The following PI4K2A variants were observed in gnomAD, a reference collection of about 807,000 sequenced individuals.
The protein encoded by PI4K2A is phosphatidylinositol 4-kinase type 2-alpha.
In PI4K2A, 20 loss-of-function variants were observed where a neutral mutation model predicts 55.0. The observed-to-expected ratio is 0.36, with a 90% CI of 0.26 to 0.53. The LOEUF (loss-of-function observed/expected upper bound fraction) is 0.53, where lower values mean the gene tolerates loss of function less well. Among genes scored for constraint, PI4K2A ranks in the 20% least tolerant of loss-of-function variants. The pLI is 0.91. For missense variants in PI4K2A, 463 were observed against 637.1 expected (o/e 0.73, Z 2.94); for synonymous variants, 235 against 258.5 (o/e 0.91, Z 0.87).
chr10:97,648,564 T>C (rs2041516279), intron 1 of PI4K2A, among the ~76,000 whole-genome samples: 1 of 152,214 alleles, frequency 6.6e-6, no homozygotes, highest in Admixed American at 6.5e-5. Flanking sequence ...CCCTGGTATT[T>C]TTCAGCCCCC....
chr10:97,660,246 C>T (rs1408525842), intron 4 of PI4K2A, among the ~76,000 whole-genome samples: 1 of 150,086 alleles, frequency 6.7e-6, no homozygotes, highest in East Asian at 2.0e-4. Flanking sequence ...CGTGATCTGC[C>T]CGCCTTGGCC....
chr10:97,662,075 G>C (rs574317672), intron 4 of PI4K2A, among the ~76,000 whole-genome samples: 1 of 151,746 alleles, frequency 6.6e-6, no homozygotes, highest in African/African-American at 2.4e-5. Context: ...GGCTGGTCTT[G>C]AACTCCTGGC....
chr10:97,649,660 G>A (rs946067995), intron 1 of PI4K2A, among the ~76,000 whole-genome samples: 49 of 104,162 alleles, frequency 4.7e-4, no homozygotes, highest in African/African-American at 1.6e-3. Context: ...GCTTGGTCTT[G>A]TCACCCAGGC....
At chr10:97,673,267 A>C (rs1039290145) in intron 8 of PI4K2A, among the ~76,000 whole-genome samples, 2 of 152,190 alleles carry the variant, frequency 1.3e-5, no homozygotes, top group African/African-American at 2.4e-5. Flanking sequence ...CTGGGATTAC[A>C]GGCGTGAGCC....
rs950624698 is a variant in PI4K2A, at chr10:97,673,498, C to G, written c.1279-83C>G. On this transcript the variant is annotated intron_variant, in intron 8 of 8. Transcript: ENST00000370631. ...GTATTTTAAAAAATTGATTTGTAGGCGTCCTCTCTACTGATCTCCTTTCAG... is the reference window on the plus strand; with the variant it reads ...GTATTTTAAAAAATTGATTTGTAGGGGTCCTCTCTACTGATCTCCTTTCAG... 5 of 1,052,412 alleles carry G rather than the reference C, an allele frequency of 4.8e-6. No homozygotes were observed. The Admixed American group carries it at 7.2e-5, about 15-fold the overall frequency. The allele number at this position is 1,052,412 out of a possible 1,614,324, so 65.2% of individuals were successfully genotyped here.
intron 1 of PI4K2A, among the ~76,000 whole-genome samples, chr10:97,646,442 C>T (rs1038420811): frequency 2.6e-5 from 4 of 152,014 alleles, no homozygotes; most frequent in Non-Finnish European, 5.9e-5. Flanking sequence ...GTCTCAAACT[C>T]CTGATCTCAG....
intron 1 of PI4K2A, among the ~76,000 whole-genome samples, chr10:97,642,193 G>T (rs983452706): frequency 6.6e-6 from 1 of 152,074 alleles, no homozygotes; most frequent in Non-Finnish European, 1.5e-5. Context: ...TGTTTTAATA[G>T]GAGTCCTGAG....
At chr10:97,643,886 G>A (rs1437057924) in intron 1 of PI4K2A, among the ~76,000 whole-genome samples, 1 of 152,116 alleles carries the variant, frequency 6.6e-6, no homozygotes, top group Non-Finnish European at 1.5e-5. Context: ...ACCCTTGGAG[G>A]TAGGTACTGT....
chr10:97,672,681 T>TC, intron 8 of PI4K2A, among the ~76,000 whole-genome samples: 1 of 151,640 alleles, frequency 6.6e-6, no homozygotes, highest in Admixed American at 6.6e-5. Flanking sequence ...TGCATATCCA[T>TC]TAGTGTTTCT....
chr10:97,670,116 T>C (rs773470143), intron 8 of PI4K2A, among the ~76,000 whole-genome samples: 4 of 152,040 alleles, frequency 2.6e-5, no homozygotes, highest in Non-Finnish European at 5.9e-5. Flanking sequence ...CCCAGGCTGG[T>C]CTCAAACTCC....
chr10:97,672,897 A>AT (rs929529278), intron 8 of PI4K2A, among the ~76,000 whole-genome samples: 2 of 149,404 alleles, frequency 1.3e-5, no homozygotes, highest in African/African-American at 2.5e-5. Flanking sequence ...CACCTGGCTA[A>AT]TTTTTTTGTA....
chr10:97,660,998 T>G (rs1479380085), intron 4 of PI4K2A, among the ~76,000 whole-genome samples: 1 of 152,014 alleles, frequency 6.6e-6, no homozygotes, highest in Non-Finnish European at 1.5e-5. Flanking sequence ...TATTTTTATT[T>G]TATATTTTTT....
intron 1 of PI4K2A, among the ~76,000 whole-genome samples, chr10:97,648,170 T>C (rs1295905928): frequency 6.7e-6 from 1 of 150,304 alleles, no homozygotes; most frequent in African/African-American, 2.5e-5. Flanking sequence ...CTCGGCTCAC[T>C]GCGACCTCCA....
chr10:97,660,124 C>T (rs1379888906), intron 4 of PI4K2A, among the ~76,000 whole-genome samples: 4 of 150,688 alleles, frequency 2.7e-5, no homozygotes, highest in African/African-American at 9.8e-5. Context: ...GCCTCAGCCT[C>T]CCGAGTAGCT....
At chr10:97,642,841 TC>T (rs1431271214) in intron 1 of PI4K2A, among the ~76,000 whole-genome samples, 1,509 of 18,696 alleles carry the variant, frequency 0.081, 210 homozygotes, top group African/African-American at 0.18. Context: ...CTTCCTTCCT[TC>T]CTTCCTTCCT....
At chr10:97,659,848 TC>T (rs2041572049) in intron 4 of PI4K2A, among the ~76,000 whole-genome samples, 1 of 152,068 alleles carries the variant, frequency 6.6e-6, no homozygotes, top group African/African-American at 2.4e-5. Context: ...AATAATTACA[TC>T]AGACAGATTT....
chr10:97,666,520 G>A lies in PI4K2A; in HGVS notation c.1167G>A (p.Ser389=), dbSNP rs772053830. 12 of 1,613,418 alleles carry A rather than the reference G, an allele frequency of 7.4e-6. No homozygotes were observed. The East Asian group carries it at 8.9e-5, about 12-fold the overall frequency. Residue 389 remains serine, a synonymous_variant, in exon 7 of 9, where the codon TCG becomes TCA. Coordinates refer to ENST00000370631, the Ensembl canonical transcript of PI4K2A. ...AAGATCTGATCCTTCCAAAGATATCGGACCCTAACTTCGTCAAGGACTTGG... is the reference window on the plus strand; with the variant it reads ...AAGATCTGATCCTTCCAAAGATATCAGACCCTAACTTCGTCAAGGACTTGG...
chr10:97,658,487 A>G (rs2041566455), intron 4 of PI4K2A, among the ~76,000 whole-genome samples: 1 of 152,260 alleles, frequency 6.6e-6, no homozygotes, highest in Non-Finnish European at 1.5e-5. Context: ...GAACAATGCT[A>G]CTATGAACAT....
chr10:97,659,177 G>C (rs1358000398), intron 4 of PI4K2A, among the ~76,000 whole-genome samples: 1 of 152,150 alleles, frequency 6.6e-6, no homozygotes, highest in Non-Finnish European at 1.5e-5. Context: ...TGGGACTACA[G>C]GTGTGAGGAC....
Sources: gnomAD v4.1 joint callset for allele counts (sites outside exome capture counted in the v4.1 genomes callset) on GRCh38, gnomAD v4.1.1 for gene constraint, MANE v1.5 for transcripts, NCBI Gene and HGNC (gene_info 2026-07-23, HGNC 2026-07-21) for gene names.